The following CADPS variants were observed in gnomAD, a reference collection of about 807,000 sequenced individuals.
CADPS encodes the protein calcium dependent secretion activator, also known as calcium-dependent secretion activator 1.
CADPS carries 57 observed loss-of-function variants against 167.3 expected under a neutral mutation model. The observed-to-expected ratio is 0.34, with a 90% CI of 0.28 to 0.42. The LOEUF (loss-of-function observed/expected upper bound fraction) is 0.42. Among genes scored for constraint, CADPS ranks in the 20% least tolerant of loss-of-function variants. CADPS has a pLI of 1.00. For synonymous variants in CADPS, 676 were observed against 635.3 expected, an observed-to-expected ratio of 1.06 and a Z score of -0.96; for missense variants, 1,414 against 1,738.1, an observed-to-expected ratio of 0.81 and a Z score of 3.32.
intron 3 of CADPS, among the ~76,000 whole-genome samples, chr3:62,748,168 CAAAAAAAAAAAAA>C (rs139568165): frequency 3.2e-5 from 2 of 63,198 alleles, no homozygotes; most frequent in Non-Finnish European, 5.7e-5. Context: ...ACTAAAATTA[CAAAAAAAAAAAAA>C]AAAAAAAAAA....
intron 13 of CADPS, among the ~76,000 whole-genome samples, chr3:62,521,316 A>C (rs1261766816): frequency 1.3e-5 from 2 of 152,202 alleles, no homozygotes; most frequent in East Asian, 1.9e-4. Flanking sequence ...TGGATTTGGA[A>C]CCCAAGATAT....
intron 10 of CADPS, among the ~76,000 whole-genome samples, chr3:62,557,034 C>G (rs892298612): frequency 1.3e-5 from 2 of 150,694 alleles, no homozygotes; most frequent in Non-Finnish European, 2.9e-5. Flanking sequence ...CACACACACA[C>G]ACACACACAC....
intron 24 of CADPS, among the ~76,000 whole-genome samples, chr3:62,471,577 A>G (rs1044444065): frequency 1.3e-5 from 2 of 152,138 alleles, no homozygotes; most frequent in Admixed American, 6.5e-5. Flanking sequence ...GAATTGTTTA[A>G]CCATCTGACC....
rs1029655773 is a variant in CADPS at position 62,515,246 on chromosome 3, C to T, written c.2581+813G>A. Reference sequence around the variant, plus strand: ...ATCAGATTCCAGAATGCGGACACATCGAGTTTTGCACACAGAACTTCCACA... The same window carrying T: ...ATCAGATTCCAGAATGCGGACACATTGAGTTTTGCACACAGAACTTCCACA... On this transcript the variant is annotated intron_variant, in intron 16 of 29. Transcript: ENST00000383710. Among the ~76,000 whole-genome samples, 3 of 151,994 alleles carry T rather than the reference C, an allele frequency of 2.0e-5. No homozygotes were observed. The South Asian group carries it at 6.2e-4, about 32-fold the overall frequency.
At chr3:62,853,607 C>T (rs933296041) in intron 1 of CADPS, among the ~76,000 whole-genome samples, 2 of 136,938 alleles carry the variant, frequency 1.5e-5, no homozygotes, top group African/African-American at 5.4e-5. Flanking sequence ...CCTGAGCAAC[C>T]AGAGCAAAAC....
chr3:62,496,802 T>C lies in CADPS; in HGVS notation c.2706+2360A>G, dbSNP rs139556370. 1.6e-4 allele frequency among the ~76,000 whole-genome samples: 25 copies of C among 152,320 alleles called. No individual in the cohort carries two copies. The East Asian group carries it at 4.6e-3, about 28-fold the overall frequency. On this transcript the variant is annotated intron_variant, in intron 18 of 29. Coordinates refer to ENST00000383710, the MANE Select transcript of CADPS (RefSeq NM_003716.4). ...CAGGCTGTCCTATGCCTAGTTGTCT[T>C]TCAAAAAGCACCAAGGTAGTTGCCT...
chr3:62,579,459 A>C (rs1168101975), intron 8 of CADPS, among the ~76,000 whole-genome samples: 1 of 152,216 alleles, frequency 6.6e-6, no homozygotes, highest in Non-Finnish European at 1.5e-5. Context: ...ACAGACAACA[A>C]ACTAATAAAT....
At chr3:62,828,197 TCTA>T (rs1417303080) in intron 1 of CADPS, among the ~76,000 whole-genome samples, 2 of 152,152 alleles carry the variant, frequency 1.3e-5, no homozygotes, top group African/African-American at 4.8e-5. Context: ...CCCATGGAGA[TCTA>T]CTGACACATG....
chr3:62,745,365 A>C (rs985294251), intron 3 of CADPS, among the ~76,000 whole-genome samples: 2 of 152,182 alleles, frequency 1.3e-5, no homozygotes, highest in African/African-American at 4.8e-5. Flanking sequence ...GAGCCACTAC[A>C]TCTGGCCAGT....
At chr3:62,473,416 T>C (rs978619848) in intron 24 of CADPS, among the ~76,000 whole-genome samples, 1 of 152,174 alleles carries the variant, frequency 6.6e-6, no homozygotes, top group Non-Finnish European at 1.5e-5. Flanking sequence ...AAAGATCTGA[T>C]TTAGGAGCAA....
intron 6 of CADPS, among the ~76,000 whole-genome samples, chr3:62,596,736 C>T (rs1379803665): frequency 6.6e-6 from 1 of 152,088 alleles, no homozygotes. Flanking sequence ...TGGCTTCTAC[C>T]CAACACATAT....
intron 8 of CADPS, among the ~76,000 whole-genome samples, chr3:62,582,566 A>C (rs1471530695): frequency 6.6e-6 from 1 of 152,230 alleles, no homozygotes; most frequent in Non-Finnish European, 1.5e-5. Flanking sequence ...AATGGAAAAA[A>C]AATGTACTCC....
At chr3:62,525,683 G>A (rs976070776) in intron 13 of CADPS, among the ~76,000 whole-genome samples, 15 of 146,484 alleles carry the variant, frequency 1.0e-4, no homozygotes, top group Non-Finnish European at 2.1e-4. Flanking sequence ...GTCATTATGT[G>A]TGTGTGTGTG....
chr3:62,814,782 G>T (rs1171503922), intron 1 of CADPS, among the ~76,000 whole-genome samples: 3 of 152,090 alleles, frequency 2.0e-5, no homozygotes, highest in Non-Finnish European at 4.4e-5. Flanking sequence ...CCATCCTTAC[G>T]AATTACCTCC....
At chr3:62,762,526 A>G (rs761076008) in intron 2 of CADPS, among the ~76,000 whole-genome samples, 1 of 151,946 alleles carries the variant, frequency 6.6e-6, no homozygotes, top group Admixed American at 6.6e-5. Flanking sequence ...GCATGGTGGC[A>G]TGCACCTGCA....
At chr3:62,493,490 A>G (rs2064090046) in intron 19 of CADPS, among the ~76,000 whole-genome samples, 155 bp downstream of exon 19, 1 of 152,184 alleles carries the variant, frequency 6.6e-6, no homozygotes, top group Non-Finnish European at 1.5e-5. Context: ...TGAAAATATG[A>G]AAGATGATTA....
chr3:62,644,263 C>T (rs1356771433), intron 6 of CADPS, among the ~76,000 whole-genome samples: 3 of 152,098 alleles, frequency 2.0e-5, no homozygotes, highest in African/African-American at 7.2e-5. Flanking sequence ...TGATGACTCT[C>T]TTATGAATTA....
At chr3:62,417,851 A>ACAAAC (rs140013352) in intron 28 of CADPS, among the ~76,000 whole-genome samples, 3 of 151,642 alleles carry the variant, frequency 2.0e-5, no homozygotes, top group Admixed American at 6.6e-5. Context: ...AAACAAACAA[A>ACAAAC]AAAAAACCTA....
intron 3 of CADPS, among the ~76,000 whole-genome samples, chr3:62,747,948 G>A: frequency 6.6e-6 from 1 of 152,078 alleles, no homozygotes; most frequent in Non-Finnish European, 1.5e-5. Context: ...AGATACAACT[G>A]ACATCCTTAG....
Sources: gnomAD v4.1 joint callset for allele counts (sites outside exome capture counted in the v4.1 genomes callset) on GRCh38, gnomAD v4.1.1 for gene constraint, MANE v1.5 for transcripts, NCBI Gene and HGNC (gene_info 2026-07-23, HGNC 2026-07-21) for gene names.